The following ST3GAL2 variants were observed in gnomAD, a reference collection of about 807,000 sequenced individuals.
ST3GAL2 encodes ST3 beta-galactoside alpha-2,3-sialyltransferase 2, also known as CMP-N-acetylneuraminate-beta-galactosamide-alpha-2,3-sialyltransferase 2.
ST3GAL2 carries 16 observed loss-of-function variants against 37.5 expected under a neutral mutation model. The ratio of observed to expected loss-of-function variants is 0.43; its 90% CI spans 0.29 to 0.65. ST3GAL2 has a LOEUF of 0.65. ST3GAL2 is among the 30% of genes least tolerant of loss of function. The pLI, the probability that ST3GAL2 is intolerant of heterozygous loss-of-function variation, is 0.17. For missense variants in ST3GAL2, 383 were observed against 487.8 expected (o/e 0.79, Z 2.02); for synonymous variants, 238 against 202.9 (o/e 1.17, Z -1.47).
chr16:70,410,851 CA>C (rs1245021073), intron 1 of ST3GAL2, among the ~76,000 whole-genome samples: 7 of 136,746 alleles, frequency 5.1e-5, no homozygotes, highest in African/African-American at 1.9e-4. Flanking sequence ...CCGTCTGTAG[CA>C]GACACTGTTG....
chr16:70,431,985 A>ATATATATATT (rs1454729972), intron 1 of ST3GAL2, among the ~76,000 whole-genome samples: 77 of 139,054 alleles, frequency 5.5e-4, no homozygotes, highest in African/African-American at 2.2e-3. Context: ...ATATATATAT[A>ATATATATATT]TTTTTTTTTA....
chr16:70,401,798 G>T (rs774103116), intron 1 of ST3GAL2, among the ~76,000 whole-genome samples: 15 of 151,998 alleles, frequency 9.9e-5, no homozygotes, highest in Non-Finnish European at 2.1e-4. Flanking sequence ...TTCAAGACCA[G>T]CCTGGCCAAC....
In ST3GAL2 at chr16:70,398,390, C is replaced by G; in HGVS notation, c.141G>C (p.Arg47=). ...CGGCATAGCCGGGCACCAGCTTCAC[C>G]CGGTGCGTCCCATCCAGGGCCCCTG... ...LDSGALDGTH[R]VKLVPGYAGL... Residue 47 remains arginine, a synonymous_variant, in exon 2 of 7, where the codon CGG becomes CGC. Coordinates refer to ENST00000342907, the MANE Select transcript of ST3GAL2 (RefSeq NM_006927.4). 1 of 1,613,630 alleles carries G rather than the reference C, an allele frequency of 6.2e-7. No individual in the cohort carries two copies. Among genetic ancestry groups the G allele is most frequent in the Non-Finnish European group, 8.5e-7 (1 of 1,180,014 alleles).
intron 1 of ST3GAL2, among the ~76,000 whole-genome samples, chr16:70,410,099 G>C (rs966345484): frequency 6.6e-6 from 1 of 151,518 alleles, no homozygotes; most frequent in African/African-American, 2.4e-5. Context: ...TTCACCTGAT[G>C]CTGTTGTTGT....
At chr16:70,425,038 T>C (rs2047740859) in intron 1 of ST3GAL2, among the ~76,000 whole-genome samples, 1 of 152,102 alleles carries the variant, frequency 6.6e-6, no homozygotes, top group African/African-American at 2.4e-5. Context: ...AAAGACCTGT[T>C]GTTAATGATA....
chr16:70,407,443 C>T (rs1187667210), intron 1 of ST3GAL2, among the ~76,000 whole-genome samples: 12 of 152,194 alleles, frequency 7.9e-5, no homozygotes, highest in Admixed American at 5.2e-4. Flanking sequence ...GCCAATACTA[C>T]AGTCTTCTAA....
chr16:70,413,398 A>G (rs2047652682), intron 1 of ST3GAL2, among the ~76,000 whole-genome samples: 1 of 151,874 alleles, frequency 6.6e-6, no homozygotes, highest in African/African-American at 2.4e-5. Flanking sequence ...CCTGGGCAAC[A>G]GAGTGAGACT....
chr16:70,401,971 G>C lies in ST3GAL2; in HGVS notation c.-1003-2438C>G, dbSNP rs570975802. On this transcript the variant is annotated intron_variant, in intron 1 of 6. Transcript: ENST00000342907. ...ATCACGCCATTGTACTCCAGCCTGG[G>C]CGACAAGAGCAAAACTCTGCCTCAA... Among the ~76,000 whole-genome samples, 333 of 138,992 alleles carry C rather than the reference G, an allele frequency of 2.4e-3. 1 individual carries two copies. The highest frequency in any genetic ancestry group is 8.7e-3 in the African/African-American group (320 of 36,846). The allele number at this position is 138,992 out of a possible 152,430, so 91.2% of individuals were successfully genotyped here. A position where few individuals can be genotyped will look rare whatever the true frequency, so the allele number is the denominator to read the frequency against.
At chr16:70,385,102 G>A (rs1019790941) in intron 4 of ST3GAL2, among the ~76,000 whole-genome samples, 3 of 151,962 alleles carry the variant, frequency 2.0e-5, no homozygotes, top group South Asian at 2.1e-4. Flanking sequence ...TCAGGAGATC[G>A]AGACCATCCT....
At chr16:70,399,869 C>CAGGTGAAAAGT (rs1286647410) in intron 1 of ST3GAL2, 1 of 155,368 alleles carries the variant, frequency 6.4e-6, no homozygotes, top group Non-Finnish European at 1.4e-5. Flanking sequence ...AGAAAACAGC[C>CAGGTGAAAAGT]CAGAGAAGAT....
At chr16:70,431,937 C>G (rs2047793392) in intron 1 of ST3GAL2, among the ~76,000 whole-genome samples, 1 of 151,592 alleles carries the variant, frequency 6.6e-6, no homozygotes, top group South Asian at 2.1e-4. Flanking sequence ...GCACTCCAGC[C>G]TGGGCAACAG....
At chr16:70,402,213 C>T (rs1175980161) in intron 1 of ST3GAL2, among the ~76,000 whole-genome samples, 2 of 146,072 alleles carry the variant, frequency 1.4e-5, no homozygotes, top group African/African-American at 5.1e-5. Context: ...GCAGGAGAAT[C>T]GCTTGAACCC....
At chr16:70,400,621 G>T (rs972264985) in intron 1 of ST3GAL2, 4 of 152,326 alleles carry the variant, frequency 2.6e-5, no homozygotes, top group Admixed American at 1.3e-4. Flanking sequence ...AGCCAGCAGG[G>T]AATGGAACGA....
intron 1 of ST3GAL2, among the ~76,000 whole-genome samples, chr16:70,415,491 C>T (rs1263864085): frequency 6.6e-6 from 1 of 152,070 alleles, no homozygotes. Context: ...AGAAGATATT[C>T]GTAAAGTTAA....
At position 70,418,812 on chromosome 16, in the gene ST3GAL2, G is replaced by A. The variant is rs562996716; in HGVS notation, c.-1003-19279C>T. 9.8e-4 allele frequency among the ~76,000 whole-genome samples: 149 copies of A among 152,250 alleles called. 1 individual carries two copies. Among genetic ancestry groups the A allele is most frequent in the African/African-American group, 3.4e-3 (140 of 41,526 alleles). ...AAGAGGGGTGAAACGGAAGCAAAGC[G>A]GGCGATTTCTCCAGGTAATCTTCAA... On this transcript the variant is annotated intron_variant, in intron 1 of 6. Coordinates refer to ENST00000342907, the MANE Select transcript of ST3GAL2 (RefSeq NM_006927.4).
At chr16:70,431,513 G>C (rs1473839289) in intron 1 of ST3GAL2, among the ~76,000 whole-genome samples, 1 of 152,196 alleles carries the variant, frequency 6.6e-6, no homozygotes, top group African/African-American at 2.4e-5. Flanking sequence ...GAAAGAAGAA[G>C]CTGGGTTGTT....
intron 1 of ST3GAL2, among the ~76,000 whole-genome samples, chr16:70,424,220 C>T (rs976284571): frequency 2.1e-5 from 3 of 141,226 alleles, no homozygotes; most frequent in African/African-American, 7.7e-5. Context: ...GTCTCGAACT[C>T]CCGACCTCAG....
At chr16:70,416,029 GCCT>G (rs1458110122) in intron 1 of ST3GAL2, among the ~76,000 whole-genome samples, 4 of 151,448 alleles carry the variant, frequency 2.6e-5, no homozygotes, top group Non-Finnish European at 5.9e-5. Context: ...ACCCACCTCG[GCCT>G]CCCAAAGTGC....
chr16:70,386,830 C>G (rs555469156), intron 4 of ST3GAL2, among the ~76,000 whole-genome samples: 123 of 151,322 alleles, frequency 8.1e-4, no homozygotes, highest in African/African-American at 2.9e-3. Flanking sequence ...ATTTTTAGTA[C>G]AGATGAGGTT....
Sources: gnomAD v4.1 joint callset for allele counts (sites outside exome capture counted in the v4.1 genomes callset) on GRCh38, gnomAD v4.1.1 for gene constraint, MANE v1.5 for transcripts, NCBI Gene and HGNC (gene_info 2026-07-23, HGNC 2026-07-21) for gene names.